The following BBS9 variants were observed in gnomAD, a reference collection of about 807,000 sequenced individuals.
The protein encoded by BBS9 is Bardet-Biedl syndrome 9.
A neutral mutation model predicts 117.7 loss-of-function variants in BBS9; 89 were observed. That is an observed-to-expected ratio of 0.76 (90% CI 0.64 to 0.90). BBS9 has a LOEUF of 0.90. Among genes scored for constraint, BBS9 ranks in the 40% least tolerant of loss-of-function variants. The pLI is 0.00. For synonymous variants in BBS9, 379 were observed against 370.9 expected (o/e 1.02, Z -0.25); for missense variants, 982 against 1,042.2 (o/e 0.94, Z 0.80).
intron 19 of BBS9, among the ~76,000 whole-genome samples, chr7:33,480,304 A>G (rs182952415): frequency 9.8e-5 from 15 of 152,346 alleles, no homozygotes; most frequent in African/African-American, 3.4e-4. Flanking sequence ...ATTTTGTGCA[A>G]GGCTCTATAC....
intron 5 of BBS9, among the ~76,000 whole-genome samples, chr7:33,202,465 T>G (rs112546849): frequency 0.026 from 4,007 of 152,228 alleles, 188 homozygotes; most frequent in African/African-American, 0.092. Flanking sequence ...CATTCTCACA[T>G]TGCTATAAAG....
chr7:33,506,920 A>T (rs1413328008), intron 20 of BBS9, among the ~76,000 whole-genome samples: 2 of 152,220 alleles, frequency 1.3e-5, no homozygotes, highest in African/African-American at 4.8e-5. Flanking sequence ...TTAGGATTAT[A>T]TTAATAAGAA....
Position 33,179,878 on chromosome 7 carries a change from C to T in BBS9, c.442+2287C>T, listed in dbSNP as rs75637246. 0.018 allele frequency among the ~76,000 whole-genome samples: 2,765 copies of T among 152,232 alleles called. 237 individuals are homozygous for T. The East Asian group carries it at 0.28, about 15-fold the overall frequency. The stretch of plus-strand genomic sequence containing the variant: ...TTAACCCTGTTGGATACACTGAGTT[C>T]TCAATTTCTCTTCAAAGAATCAGTA... On this transcript the variant is annotated intron_variant, in intron 5 of 22. Coordinates refer to ENST00000242067, the MANE Select transcript of BBS9 (RefSeq NM_198428.3).
At chr7:33,571,358 A>G (rs192796136) in intron 21 of BBS9, among the ~76,000 whole-genome samples, 3,211 of 151,560 alleles carry the variant, frequency 0.021, 69 homozygotes, top group South Asian at 0.1. Flanking sequence ...ATAGAGAAAA[A>G]ACAGAAAATA....
At chr7:33,501,922 T>C (rs1845504470) in intron 19 of BBS9, among the ~76,000 whole-genome samples, 1 of 152,008 alleles carries the variant, frequency 6.6e-6, no homozygotes. Flanking sequence ...TCTATTCTTT[T>C]TTTTTTTGAG....
chr7:33,198,153 G>C (rs1785235654), intron 5 of BBS9, among the ~76,000 whole-genome samples: 1 of 151,904 alleles, frequency 6.6e-6, no homozygotes, highest in Non-Finnish European at 1.5e-5. Flanking sequence ...TTTTAAATCA[G>C]CATTTCTAGA....
At chr7:33,131,066 C>A (rs1367702525) in intron 1 of BBS9, among the ~76,000 whole-genome samples, 1 of 152,144 alleles carries the variant, frequency 6.6e-6, no homozygotes, top group African/African-American at 2.4e-5. Context: ...AACATCCCTG[C>A]TGGTTAATAA....
At chr7:33,336,414 T>G in intron 9 of BBS9, 27 bp from the exon 10 acceptor site, 1 of 1,587,516 alleles carries the variant, frequency 6.3e-7, no homozygotes, top group Non-Finnish European at 8.6e-7. Context: ...TTTAAAATTA[T>G]GTCTCATTTT....
intron 19 of BBS9, among the ~76,000 whole-genome samples, chr7:33,480,227 A>G (rs1200730656): frequency 6.6e-6 from 1 of 152,208 alleles, no homozygotes; most frequent in African/African-American, 2.4e-5. Flanking sequence ...GCTTGAAATT[A>G]CTAGTGATAG....
intron 19 of BBS9, among the ~76,000 whole-genome samples, chr7:33,485,769 A>C (rs913637518): frequency 6.6e-6 from 1 of 152,216 alleles, no homozygotes; most frequent in Non-Finnish European, 1.5e-5. Flanking sequence ...TTGACACTCA[A>C]ATCCAAAATT....
intron 19 of BBS9, among the ~76,000 whole-genome samples, chr7:33,434,778 A>G (rs1034217507): frequency 6.6e-6 from 1 of 152,190 alleles, no homozygotes; most frequent in African/African-American, 2.4e-5. Flanking sequence ...GAAATAACAT[A>G]CTGCTGCTCA....
chr7:33,364,721 C>G (rs1821334896), intron 16 of BBS9, among the ~76,000 whole-genome samples: 1 of 126,206 alleles, frequency 7.9e-6, no homozygotes, highest in Non-Finnish European at 1.7e-5. Flanking sequence ...TCCTGTCCTC[C>G]TCCCCCTCCT....
chr7:33,536,536 G>A (rs879754168), intron 21 of BBS9, among the ~76,000 whole-genome samples: 11 of 152,022 alleles, frequency 7.2e-5, no homozygotes, highest in Non-Finnish European at 1.3e-4. Context: ...CTTGCCTTGG[G>A]GTTTCATGGT....
intron 12 of BBS9, among the ~76,000 whole-genome samples, chr7:33,348,258 T>A (rs1817966055): frequency 1.3e-5 from 2 of 152,288 alleles, no homozygotes; most frequent in South Asian, 4.1e-4. Context: ...TGGTTCTTTG[T>A]GGCTAGATTT....
At chr7:33,167,725 C>T (rs1795923482) in intron 4 of BBS9, among the ~76,000 whole-genome samples, 1 of 152,102 alleles carries the variant, frequency 6.6e-6, no homozygotes, top group Admixed American at 6.5e-5. Context: ...CTTACCCCAT[C>T]CAAATTATAT....
At chr7:33,408,255 A>G (rs1053657971) in intron 19 of BBS9, among the ~76,000 whole-genome samples, 1 of 152,148 alleles carries the variant, frequency 6.6e-6, no homozygotes, top group African/African-American at 2.4e-5. Context: ...TGCGGGATAT[A>G]ATCTCCTGGT....
At chr7:33,537,963 G>A (rs1851713531) in intron 21 of BBS9, among the ~76,000 whole-genome samples, 1 of 152,114 alleles carries the variant, frequency 6.6e-6, no homozygotes, top group Non-Finnish European at 1.5e-5. Context: ...GTGATGCTTT[G>A]CCTAAGAAAT....
chr7:33,373,729 A>T (rs1054398436), intron 17 of BBS9, among the ~76,000 whole-genome samples: 1 of 152,174 alleles, frequency 6.6e-6, no homozygotes, highest in Admixed American at 6.5e-5. Context: ...ATCCTGAAAG[A>T]TTTTTAACAT....
chr7:33,389,427 C>T (rs140622933), intron 19 of BBS9, among the ~76,000 whole-genome samples: 2,143 of 152,208 alleles, frequency 0.014, 54 homozygotes, highest in African/African-American at 0.049. Context: ...TGGTGGCTCA[C>T]GCCTGTAATC....
Sources: gnomAD v4.1 joint callset for allele counts (sites outside exome capture counted in the v4.1 genomes callset) on GRCh38, gnomAD v4.1.1 for gene constraint, MANE v1.5 for transcripts, NCBI Gene and HGNC (gene_info 2026-07-23, HGNC 2026-07-21) for gene names.